Variants in CD40 observed in about 807,000 individuals in gnomAD.
CD40 encodes the protein CD40 molecule.
A neutral mutation model predicts 38.5 loss-of-function variants in CD40; 19 were observed. That is an observed-to-expected ratio of 0.49 (90% CI 0.34 to 0.72). The LOEUF (loss-of-function observed/expected upper bound fraction) is 0.72, where lower values mean the gene tolerates loss of function less well. Ranked by LOEUF, CD40 falls within the 30% of genes least tolerant of loss-of-function variation. The pLI is 0.01. For synonymous variants in CD40, 130 were observed against 128.7 expected (o/e 1.01, Z -0.07); for missense variants, 256 against 344.1 (o/e 0.74, Z 2.03).
intron 1 of CD40, among the ~76,000 whole-genome samples, chr20:46,119,810 G>T (rs1600652514): frequency 6.6e-6 from 1 of 152,196 alleles, no homozygotes; most frequent in South Asian, 2.1e-4. Context: ...ACATCTGCAT[G>T]ATTCCCGAGC....
chr20:46,122,952 A>G lies in CD40; in HGVS notation c.404-174A>G, dbSNP rs2085348981. 1.1e-6 allele frequency: 1 copy of G among 904,740 alleles called. No individual in the cohort carries two copies. The highest frequency in any genetic ancestry group is 2.1e-5 in the Admixed American group (1 of 48,600). The allele number at this position is 904,740 out of a possible 1,614,324, so 56.0% of individuals were successfully genotyped here. A position where few individuals can be genotyped will look rare whatever the true frequency, so the allele number is the denominator to read the frequency against. On this transcript the variant is annotated intron_variant, in intron 4 of 8. Coordinates refer to ENST00000372285, the MANE Select transcript of CD40 (RefSeq NM_001250.6). The surrounding 1 kb of genome is among the most constrained non-coding windows in gnomAD (Gnocchi z 5.0). ...CTTCTGCCATGGGGATCTGCCTTTG[A>G]AGGGCAATGGGAGAAGTCCTCCTGG...
In CD40 at chr20:46,122,460, G is replaced by A; in HGVS notation, c.256+102G>A. On this transcript the variant is annotated intron_variant, in intron 3 of 8. Coordinates refer to ENST00000372285, the MANE Select transcript of CD40 (RefSeq NM_001250.6). The surrounding 1 kb of genome is among the most constrained non-coding windows in gnomAD (Gnocchi z 5.0). Reference sequence around the variant, plus strand: ...TAGCCAGGGTCTGCTCTGATTGGTTGGAGTCCGGGCTGTACTGATCATTAA... The same window carrying A: ...TAGCCAGGGTCTGCTCTGATTGGTTAGAGTCCGGGCTGTACTGATCATTAA... 6.3e-7 allele frequency: 1 copy of A among 1,579,398 alleles called. No homozygotes were observed. The highest frequency in any genetic ancestry group is 8.7e-7 in the Non-Finnish European group (1 of 1,150,876).
Position 46,122,370 on chromosome 20 carries a change from G to C in CD40, c.256+12G>C, listed in dbSNP as rs1321128240. 6.2e-7 allele frequency: 1 copy of C among 1,614,190 alleles called. No homozygotes were observed. The highest frequency in any genetic ancestry group is 8.5e-7 in the Non-Finnish European group (1 of 1,180,052). Reference sequence around the variant, plus strand: ...ATACTGCGACCCCAGTGCGTGCGCTGTTGGGAAAGGGACGCTTGGGAACCG... The same window carrying C: ...ATACTGCGACCCCAGTGCGTGCGCTCTTGGGAAAGGGACGCTTGGGAACCG... On this transcript the variant is annotated intron_variant, in intron 3 of 8. Transcript: ENST00000372285. The surrounding 1 kb of genome is among the most constrained non-coding windows in gnomAD (Gnocchi z 5.0).
At chr20:46,126,900 A>G in intron 6 of CD40, 199 bp downstream of exon 6, 1 of 820,198 alleles carries the variant, frequency 1.2e-6, no homozygotes, top group Non-Finnish European at 1.9e-6. Flanking sequence ...CATCTGTAAA[A>G]TGGGATGATA....
Position 46,118,391 on chromosome 20 carries a change from C to T in CD40, c.48C>T (p.Thr16=), listed in dbSNP as rs1008453074. 1.2e-6 allele frequency: 2 copies of T among 1,613,852 alleles called. No homozygotes were observed. The highest frequency in any genetic ancestry group is 1.7e-6 in the Non-Finnish European group (2 of 1,179,862). ...GCGTCCTCTGGGGCTGCTTGCTGAC[C>T]GCTGTGAGTTGTTTTTGCCCCGACC... The part of the protein sequence containing the change: ...LQCVLWGCLL[T]AVHPEPPTAC... Residue 16 remains threonine (T), a synonymous_variant, in exon 1 of 9, where the codon ACC becomes ACT. Coordinates refer to ENST00000372285, the MANE Select transcript of CD40 (RefSeq NM_001250.6).
At chr20:46,124,195 G>C (rs1163794863) in intron 5 of CD40, among the ~76,000 whole-genome samples, 1 of 152,194 alleles carries the variant, frequency 6.6e-6, no homozygotes, top group Non-Finnish European at 1.5e-5. Flanking sequence ...AGCTCCTCGG[G>C]AGGCTGAGGC....
At chr20:46,128,860 A>G in intron 8 of CD40, 22 bp from the exon 9 acceptor site, 1 of 1,613,326 alleles carries the variant, frequency 6.2e-7, no homozygotes, top group Non-Finnish European at 8.5e-7. Context: ...GCTGGGGGTG[A>G]CCTCACACCT....
chr20:46,128,304 C>CTTTTTTTTTT, intron 7 of CD40, 26 bp from the exon 8 acceptor site: 1 of 1,439,750 alleles, frequency 6.9e-7, no homozygotes, highest in Non-Finnish European at 9.2e-7. Flanking sequence ...ACTCCCCATC[C>CTTTTTTTTTT]TTTTTTTTTT....
At chr20:46,126,596 T>G in intron 5 of CD40, 44 bp from the exon 6 acceptor site, 1 of 1,613,198 alleles carries the variant, frequency 6.2e-7, no homozygotes, top group Non-Finnish European at 8.5e-7. Context: ...TAATATCTCT[T>G]TCTTTCTCTG....
At chr20:46,125,625 G>A (rs1261316593) in intron 5 of CD40, among the ~76,000 whole-genome samples, 1 of 146,274 alleles carries the variant, frequency 6.8e-6, no homozygotes, top group African/African-American at 2.5e-5. Context: ...CACCTTAGAT[G>A]ATTTTTCCTT....
intron 5 of CD40, among the ~76,000 whole-genome samples, chr20:46,123,662 C>G (rs1304065095): frequency 6.6e-6 from 1 of 152,184 alleles, no homozygotes; most frequent in Admixed American, 6.5e-5. Flanking sequence ...TGGGAACTTA[C>G]TGTCTCCACT....
chr20:46,124,539 C>T (rs2085383841), intron 5 of CD40, among the ~76,000 whole-genome samples: 1 of 137,360 alleles, frequency 7.3e-6, no homozygotes, highest in Non-Finnish European at 1.5e-5. Flanking sequence ...AATTTCCCTC[C>T]TTTTACTTTT....
At chr20:46,124,942 T>C (rs946189472) in intron 5 of CD40, among the ~76,000 whole-genome samples, 1 of 151,614 alleles carries the variant, frequency 6.6e-6, no homozygotes, top group African/African-American at 2.4e-5. Context: ...AATTTTTTTG[T>C]ATTTTTAGTA....
At chr20:46,128,033 T>G in intron 6 of CD40, 105 bp from the exon 7 acceptor site, 5 of 1,603,328 alleles carry the variant, frequency 3.1e-6, no homozygotes, top group Non-Finnish European at 4.3e-6. Flanking sequence ...CTGATGTAGA[T>G]GAGCTCTGAC....
intron 1 of CD40, among the ~76,000 whole-genome samples, chr20:46,120,502 T>C (rs2085296484): frequency 6.6e-6 from 1 of 152,242 alleles, no homozygotes; most frequent in Non-Finnish European, 1.5e-5. Context: ...ATACACTTAC[T>C]TTACAGTTCT....
chr20:46,122,860 C>T lies in CD40; in HGVS notation c.403+104C>T, dbSNP rs969322911. On this transcript the variant is annotated intron_variant, in intron 4 of 8. Coordinates refer to ENST00000372285, the MANE Select transcript of CD40 (RefSeq NM_001250.6). This position sits in a 1 kb window ranked among gnomAD's most constrained non-coding sequence, Gnocchi z 5.0. Reference sequence around the variant, plus strand: ...CACTTAGCCCCAGAGGCAGAGGAAGCAGAGGCTCCAACCTATGTCGGTATC... The same window carrying T: ...CACTTAGCCCCAGAGGCAGAGGAAGTAGAGGCTCCAACCTATGTCGGTATC... 1.4e-6 allele frequency: 2 copies of T among 1,436,214 alleles called. No individual in the cohort carries two copies. Among genetic ancestry groups the T allele is most frequent in the African/African-American group, 2.8e-5 (2 of 71,144 alleles). The allele number at this position is 1,436,214 out of a possible 1,614,324, so 89.0% of individuals were successfully genotyped here.
intron 1 of CD40, among the ~76,000 whole-genome samples, chr20:46,120,802 T>C (rs1170210570): frequency 6.6e-6 from 1 of 152,218 alleles, no homozygotes; most frequent in African/African-American, 2.4e-5. Context: ...CGGTGGCTTG[T>C]GCCTGTAATC....
chr20:46,122,790 G>C lies in CD40; in HGVS notation c.403+34G>C. On this transcript the variant is annotated intron_variant, in intron 4 of 8. Coordinates refer to ENST00000372285, the MANE Select transcript of CD40 (RefSeq NM_001250.6). This position sits in a 1 kb window ranked among gnomAD's most constrained non-coding sequence, Gnocchi z 5.0. ...CTCATCTGGGAATCAGTTTTGGAGGGGGACAGAGGAGCTTAGGGCCCAAGG... is the reference window on the plus strand; with the variant it reads ...CTCATCTGGGAATCAGTTTTGGAGGCGGACAGAGGAGCTTAGGGCCCAAGG... 6.2e-7 allele frequency: 1 copy of C among 1,613,048 alleles called. No individual in the cohort carries two copies. Among genetic ancestry groups the C allele is most frequent in the Non-Finnish European group, 8.5e-7 (1 of 1,179,206 alleles).
At chr20:46,124,534 CCCT>C (rs1334121371) in intron 5 of CD40, among the ~76,000 whole-genome samples, 1 of 145,886 alleles carries the variant, frequency 6.9e-6, no homozygotes, top group East Asian at 2.0e-4. Context: ...CACAAAATTT[CCCT>C]CCTTTTACTT....
Sources: gnomAD v4.1 joint callset for allele counts (sites outside exome capture counted in the v4.1 genomes callset) on GRCh38, gnomAD v4.1.1 for gene constraint, Gnocchi (gnomAD v3.1) non-coding constraint, MANE v1.5 for transcripts, NCBI Gene and HGNC (gene_info 2026-07-23, HGNC 2026-07-21) for gene names.